ZNF800: variants seen among roughly 807,000 people sequenced by gnomAD.
ZNF800 encodes the protein zinc finger protein 800.
Under a neutral mutation model 59.5 loss-of-function variants are expected in ZNF800, and 13 were observed. The observed-to-expected ratio is 0.22, with a 90% CI of 0.14 to 0.35. The LOEUF (loss-of-function observed/expected upper bound fraction) is 0.35. Ranked by LOEUF, ZNF800 falls within the 10% of genes least tolerant of loss-of-function variation. The pLI is 1.00. For synonymous variants in ZNF800, 266 were observed against 265.7 expected, an observed-to-expected ratio of 1.00 and a Z score of -0.01; for missense variants, 621 against 783.7, an observed-to-expected ratio of 0.79 and a Z score of 2.48.
downstream of ZNF800, among the ~76,000 whole-genome samples, chr7:127,345,941 T>C (rs1421678838): frequency 6.6e-6 from 1 of 152,000 alleles, no homozygotes; most frequent in Admixed American, 6.6e-5. Flanking sequence ...GAAGGTGTGG[T>C]TAAGATGAAA....
Position 127,374,040 on chromosome 7 carries a change from C to T in ZNF800, c.1296G>A (p.Lys432=). The change falls in exon 5 of 6, where the codon AAG becomes AAA. Residue 432 remains lysine (K), a synonymous_variant. Transcript: ENST00000265827. ...SITHSPQNEL[K]GTNHSNEKKN... ...TTTTTTCATTTGAATGATTTGTTCCCTTTAATTCATTCTGTGGAGAATGGG... is the reference window on the plus strand; with the variant it reads ...TTTTTTCATTTGAATGATTTGTTCCTTTTAATTCATTCTGTGGAGAATGGG... The T allele has an allele frequency of 2.5e-6, 4 of 1,613,948 alleles. No individual in the cohort carries two copies. Among genetic ancestry groups the T allele is most frequent in the Non-Finnish European group, 3.4e-6 (4 of 1,179,994 alleles).
At chr7:127,344,598 T>C (rs1029673585), downstream of ZNF800, among the ~76,000 whole-genome samples, 2 of 152,006 alleles carry the variant, frequency 1.3e-5, no homozygotes, top group Admixed American at 6.6e-5. Flanking sequence ...TTTACCCCCA[T>C]TGAAACTTAA....
At chr7:127,360,208 T>C (rs1264080601) in intron 1 of ZNF800, 2 of 152,154 alleles carry the variant, frequency 1.3e-5, no homozygotes, top group African/African-American at 2.4e-5. Context: ...GCTTGGACAC[T>C]ACCACTAGAA....
At chr7:127,381,207 A>G (rs1335126056) in intron 3 of ZNF800, among the ~76,000 whole-genome samples, 2 of 152,214 alleles carry the variant, frequency 1.3e-5, no homozygotes, top group Non-Finnish European at 2.9e-5. Context: ...TGCTTCTTAA[A>G]TGGTATACTG....
downstream of ZNF800, among the ~76,000 whole-genome samples, chr7:127,367,879 G>A (rs1205138872): frequency 6.6e-6 from 1 of 152,100 alleles, no homozygotes; most frequent in Non-Finnish European, 1.5e-5. Context: ...CTGAGTGGAC[G>A]CAAACACCAA....
chr7:127,384,322 C>G (rs1003110286), intron 3 of ZNF800, among the ~76,000 whole-genome samples: 28 of 147,650 alleles, frequency 1.9e-4, no homozygotes, highest in Non-Finnish European at 3.7e-4. Flanking sequence ...CAAGCTCCCC[C>G]TCCCGGGTTC....
intron 3 of ZNF800, among the ~76,000 whole-genome samples, chr7:127,381,848 C>T (rs144521667): frequency 8.0e-4 from 121 of 152,160 alleles, no homozygotes; most frequent in Non-Finnish European, 1.5e-3. Context: ...GTCCACCCTA[C>T]GCTTTGCCTT....
In ZNF800 at chr7:127,373,399, T is replaced by C. The variant is rs561952635; in HGVS notation, c.1937A>G (p.Asn646Ser). The part of the protein sequence containing the change: ...HKKTHKANAS[N>S]SPEGNKTKGR... ...TTTGGTTTTGTTTCCTTCAGGTGAA[T>C]TGGAAGCATTTGCCTTATGAGTTTT... Residue 646 changes from asparagine (N) to serine (S), a missense_variant, in exon 5 of 6, where the codon AAT becomes AGT. Physicochemically the swap from Asn to Ser is conservative, Grantham distance 46. Transcript: ENST00000265827. The C allele has an allele frequency of 6.2e-6, 10 of 1,613,116 alleles. No homozygotes were observed. Among genetic ancestry groups the C allele is most frequent in the Middle Eastern group, 1.7e-4 (1 of 6,058 alleles).
At chr7:127,375,505 T>A (rs1800767789) in intron 4 of ZNF800, among the ~76,000 whole-genome samples, 2 of 152,038 alleles carry the variant, frequency 1.3e-5, no homozygotes, top group Admixed American at 1.3e-4. Flanking sequence ...AATAGTCTAA[T>A]CTAATCTAGT....
chr7:127,386,324 T>C (rs183840559), intron 2 of ZNF800, among the ~76,000 whole-genome samples, 169 bp from the exon 3 acceptor site: 1 of 152,232 alleles, frequency 6.6e-6, no homozygotes, highest in Admixed American at 6.5e-5. Flanking sequence ...TAATTAACCA[T>C]CATCTTTGTA....
At chr7:127,384,227 C>CTTTTTTTTTTTT (rs577977623) in intron 3 of ZNF800, among the ~76,000 whole-genome samples, 1,957 of 63,248 alleles carry the variant, frequency 0.031, 456 homozygotes, top group East Asian at 0.12. Flanking sequence ...ATTCTAACTT[C>CTTTTTTTTTTTT]TTTTTTTTTT....
chr7:127,366,408 C>T (rs143667861), downstream of ZNF800, among the ~76,000 whole-genome samples: 7 of 152,234 alleles, frequency 4.6e-5, no homozygotes, highest in East Asian at 1.9e-4. Context: ...GCAACTGATG[C>T]GGTGGCCTAA....
Position 127,392,049 on chromosome 7 carries a change from G to A in ZNF800, c.-59+11C>T. The A allele has an allele frequency of 2.6e-6, 1 of 389,112 alleles. No individual in the cohort carries two copies. The highest frequency in any genetic ancestry group is 3.7e-5 in the East Asian group (1 of 27,346). The allele number at this position is 389,112 out of a possible 1,614,324, so 24.1% of individuals were successfully genotyped here. A position where few individuals can be genotyped will look rare whatever the true frequency, so the allele number is the denominator to read the frequency against. On this transcript the variant is annotated intron_variant, in intron 1 of 5. Coordinates refer to ENST00000265827, the MANE Select transcript of ZNF800 (RefSeq NM_176814.5). Reference sequence around the variant, plus strand: ...AGACCCCGTCCCCACAACCAAGTGCGCCCAACTTACTCAACTCTTAGGGCG... The same window carrying A: ...AGACCCCGTCCCCACAACCAAGTGCACCCAACTTACTCAACTCTTAGGGCG...
chr7:127,383,640 C>T (rs778036636), intron 3 of ZNF800, among the ~76,000 whole-genome samples: 29 of 152,090 alleles, frequency 1.9e-4, no homozygotes, highest in Non-Finnish European at 4.0e-4. Flanking sequence ...AACTTAAATG[C>T]CTTAGTGCTA....
At chr7:127,356,502 A>G (rs1800273551) in intron 1 of ZNF800, among the ~76,000 whole-genome samples, 2 of 152,036 alleles carry the variant, frequency 1.3e-5, no homozygotes, top group Admixed American at 6.6e-5. Flanking sequence ...CCAAATACAC[A>G]TATCTTCATC....
downstream of ZNF800, among the ~76,000 whole-genome samples, chr7:127,368,392 A>T (rs1269492428): frequency 2.6e-5 from 4 of 152,146 alleles, no homozygotes; most frequent in Non-Finnish European, 2.9e-5. Flanking sequence ...AGCACAGAGT[A>T]CAGAAGGATT....
Position 127,374,714 on chromosome 7 carries a change from C to A in ZNF800, c.622G>T (p.Asp208Tyr), listed in dbSNP as rs2117114074. The A allele has an allele frequency of 6.2e-7, 1 of 1,614,040 alleles. No homozygotes were observed. The highest frequency in any genetic ancestry group is 1.1e-5 in the South Asian group (1 of 91,072). Reference protein sequence around the residue: ...IVTDEVAPTSDEQPQESQADL... With the variant: ...IVTDEVAPTSYEQPQESQADL... ...GCCTGCGACTCCTGAGGTTGTTCAT[C>A]AGATGTAGGTGCAACTTCATCTGTA... is the stretch of plus-strand genomic sequence containing the variant. Residue 208 changes from aspartate to tyrosine, a missense_variant, in exon 5 of 6, where the codon GAT (aspartate) becomes TAT (tyrosine). By Grantham distance (160) the Asp-to-Tyr change is radical (BLOSUM62 -3). This residue lies in a region of ZNF800 where 218 missense variants were observed against 230.8 expected (regional missense o/e 0.94). Coordinates refer to ENST00000265827, the MANE Select transcript of ZNF800 (RefSeq NM_176814.5).
intron 2 of ZNF800, among the ~76,000 whole-genome samples, chr7:127,386,532 G>A (rs188125443): frequency 6.6e-5 from 10 of 152,320 alleles, no homozygotes; most frequent in African/African-American, 1.7e-4. Flanking sequence ...GGCAATGGTG[G>A]CCTAGCCACG....
intron 2 of ZNF800, among the ~76,000 whole-genome samples, chr7:127,386,900 T>C (rs145325131): frequency 2.1e-4 from 32 of 152,162 alleles, no homozygotes; most frequent in East Asian, 5.8e-4. Context: ...CATTAATACA[T>C]TGGTAGATGC....
Sources: allele counts gnomAD v4.1 joint callset (sites outside exome capture counted in the v4.1 genomes callset), GRCh38; gene constraint gnomAD v4.1.1; regional missense constraint gnomAD v4.1.1; transcripts MANE v1.5; gene names NCBI Gene and HGNC (gene_info 2026-07-23, HGNC 2026-07-21).